The following RGMA variants were observed in gnomAD, a reference collection of about 807,000 sequenced individuals.
RGMA encodes the protein repulsive guidance molecule A.
A neutral mutation model predicts 23.2 loss-of-function variants in RGMA; 10 were observed. The ratio of observed to expected loss-of-function variants is 0.43; its 90% CI spans 0.27 to 0.73. RGMA has a LOEUF of 0.73. Among genes scored for constraint, RGMA ranks in the 30% least tolerant of loss-of-function variants. The pLI, the probability that RGMA is intolerant of heterozygous loss-of-function variation, is 0.20. For synonymous variants in RGMA, 308 were observed against 279.3 expected, an observed-to-expected ratio of 1.10 and a Z score of -1.03; for missense variants, 547 against 630.5, an observed-to-expected ratio of 0.87 and a Z score of 1.42.
In RGMA at chr15:93,074,027, A is replaced by C. The variant is rs978207643; in HGVS notation, c.15-996T>G. ...TCTGTCGCTTATTTTTCTGGGAAAGAAACATCTCCTTCCCAAGGTTCCCTG... is the reference window on the plus strand; with the variant it reads ...TCTGTCGCTTATTTTTCTGGGAAAGCAACATCTCCTTCCCAAGGTTCCCTG... On this transcript the variant is annotated intron_variant, in intron 1 of 3. Transcript: ENST00000329082. 1.2e-5 allele frequency: 17 copies of C among 1,378,298 alleles called. No homozygotes were observed. In the Admixed American group the frequency reaches 3.7e-4, roughly 30 times the overall value. The allele number at this position is 1,378,298 out of a possible 1,614,324, so 85.4% of individuals were successfully genotyped here.
intron 1 of RGMA, 127 bp downstream of exon 1, chr15:93,088,792 G>GGCAAGATGGGA (rs1895685394): frequency 1.1e-6 from 1 of 937,210 alleles, no homozygotes; most frequent in South Asian, 1.5e-5. Flanking sequence ...TCCAAATGTG[G>GGCAAGATGGGA]GCAAGATGGG....
At chr15:93,078,416 T>C (rs1895507142) in intron 1 of RGMA, among the ~76,000 whole-genome samples, 1 of 152,224 alleles carries the variant, frequency 6.6e-6, no homozygotes, top group African/African-American at 2.4e-5. Flanking sequence ...CCAGACCATG[T>C]CTTGAGGAAC....
chr15:93,067,284 G>GA (rs11395171), intron 2 of RGMA, among the ~76,000 whole-genome samples: 17,476 of 150,690 alleles, frequency 0.12, 1,156 homozygotes, highest in Middle Eastern at 0.28. Context: ...CTGGAAAAAA[G>GA]AAAAAAAAAT....
At chr15:93,060,694 A>G (rs535013988) in intron 2 of RGMA, among the ~76,000 whole-genome samples, 1 of 152,264 alleles carries the variant, frequency 6.6e-6, no homozygotes, top group Admixed American at 6.5e-5. Context: ...GACCAAAAAC[A>G]ATGGTCACTT....
At chr15:93,078,622 C>T (rs1192478755) in intron 1 of RGMA, among the ~76,000 whole-genome samples, 1 of 152,222 alleles carries the variant, frequency 6.6e-6, no homozygotes, top group South Asian at 2.1e-4. Flanking sequence ...CTGGCTTCAT[C>T]TTTCCACACT....
At chr15:93,087,477 A>AAAAAAAC (rs1260957108) in intron 1 of RGMA, among the ~76,000 whole-genome samples, 2 of 150,224 alleles carry the variant, frequency 1.3e-5, no homozygotes, top group East Asian at 3.9e-4. Context: ...AAAAAAAAAA[A>AAAAAAAC]AAAAAAACCA....
At chr15:93,088,708 G>A (rs958800953) in intron 1 of RGMA, 60 of 772,574 alleles carry the variant, frequency 7.8e-5, no homozygotes, top group African/African-American at 2.6e-4. Context: ...AGTATTTTAG[G>A]AAAAAAGAAC....
At chr15:93,073,868 C>A in intron 1 of RGMA, 11 of 1,475,038 alleles carry the variant, frequency 7.5e-6, no homozygotes, top group Non-Finnish European at 9.8e-6. Context: ...AACCTTGCCA[C>A]CTTGGCACAG....
chr15:93,073,492 C>T lies in RGMA; in HGVS notation c.15-461G>A. On this transcript the variant is annotated intron_variant, in intron 1 of 3. Coordinates refer to ENST00000329082, the MANE Select transcript of RGMA (RefSeq NM_020211.3). ...GCAGGGCATGAGGCGGGGCAGGACG[C>T]CCCCTTAATCCCCTCCACGAATATC... The T allele has an allele frequency of 1.0e-5, 13 of 1,255,814 alleles. No individual in the cohort carries two copies. In the South Asian group the frequency reaches 2.0e-4, roughly 19 times the overall value. The allele number at this position is 1,255,814 out of a possible 1,614,324, so 77.8% of individuals were successfully genotyped here. A position where few individuals can be genotyped will look rare whatever the true frequency, so the allele number is the denominator to read the frequency against.
At position 93,088,957 on chromosome 15, in the gene RGMA, G is replaced by T. The variant is rs903329325; in HGVS notation, c.-25C>A. Reference sequence around the variant, plus strand: ...TGAGCCCCTGCGGCCCGCGGGGGGTGGCGCTGGCGGGGCTGCGGGAGAAGA... The same window carrying T: ...TGAGCCCCTGCGGCCCGCGGGGGGTTGCGCTGGCGGGGCTGCGGGAGAAGA... On this transcript the variant is annotated 5_prime_UTR_variant, in exon 1 of 4. Coordinates refer to ENST00000329082, the MANE Select transcript of RGMA (RefSeq NM_020211.3). 6 of 1,386,352 alleles carry T rather than the reference G, an allele frequency of 4.3e-6. No individual in the cohort carries two copies. The highest frequency in any genetic ancestry group is 5.6e-6 in the Non-Finnish European group (6 of 1,077,250). The allele number at this position is 1,386,352 out of a possible 1,614,324, so 85.9% of individuals were successfully genotyped here.
Position 93,036,683 on chromosome 15 carries a change from G to A in RGMA, c.*8315C>T, listed in dbSNP as rs994430033. 1 of 152,228 alleles carries A rather than the reference G, an allele frequency of 6.6e-6. No homozygotes were observed. Among genetic ancestry groups the A allele is most frequent in the African/African-American group, 2.4e-5 (1 of 41,440 alleles). The allele number at this position is 152,228 out of a possible 1,614,324, so 9.4% of individuals were successfully genotyped here. A position where few individuals can be genotyped will look rare whatever the true frequency, so the allele number is the denominator to read the frequency against. ...ACTCCGCCCCTGCTGTGGGGCTCAC[G>A]AGCATGCCTTGAACACAGGCTGCCT... On this transcript the variant is annotated 3_prime_UTR_variant, in exon 4 of 4. Transcript: ENST00000329082.
chr15:93,046,373 C>T (rs919809700), intron 3 of RGMA, among the ~76,000 whole-genome samples: 6 of 152,200 alleles, frequency 3.9e-5, no homozygotes, highest in Non-Finnish European at 7.3e-5. Flanking sequence ...CCTGGAGTCT[C>T]CAGGACCAGC....
intron 1 of RGMA, among the ~76,000 whole-genome samples, chr15:93,085,692 C>T (rs1895625079): frequency 6.6e-6 from 1 of 152,164 alleles, no homozygotes; most frequent in Non-Finnish European, 1.5e-5. Flanking sequence ...AAGACATTTG[C>T]ATTTATTTTG....
chr15:93,054,590 T>C (rs2054983201), intron 2 of RGMA, among the ~76,000 whole-genome samples: 1 of 152,224 alleles, frequency 6.6e-6, no homozygotes, highest in Non-Finnish European at 1.5e-5. Context: ...TTGCCTTCTG[T>C]CATGATTGTG....
intron 2 of RGMA, among the ~76,000 whole-genome samples, chr15:93,052,902 T>C (rs1034457106): frequency 1.3e-5 from 2 of 152,348 alleles, no homozygotes; most frequent in Non-Finnish European, 2.9e-5. Flanking sequence ...TGGCAGGGAA[T>C]TGGCCCCACT....
intron 2 of RGMA, chr15:93,065,982 C>A (rs770782460): frequency 9.6e-6 from 11 of 1,146,910 alleles, no homozygotes; most frequent in Middle Eastern, 2.1e-4. Context: ...TGGGCCGCTG[C>A]GCGGAGTCTT....
rs748027363 is a variant in RGMA, at chr15:93,052,050, G to A, written c.588C>T (p.Asn196=). The stretch of plus-strand genomic sequence containing the variant: ...GCACAGGCGTGTTGGTGACCTGCAC[G>A]TTCAGGTAATTATTGTCGATGAGCG... ...AWPLIDNNYL[N]VQVTNTPVLP... The change falls in exon 3 of 4, where the codon AAC becomes AAT. Residue 196 remains asparagine, a synonymous_variant. Transcript: ENST00000329082. The A allele has an allele frequency of 2.0e-5, 32 of 1,611,834 alleles. No homozygotes were observed. Among genetic ancestry groups the A allele is most frequent in the Admixed American group, 1.2e-4 (7 of 59,740 alleles).
At chr15:93,049,938 G>C (rs939032450) in intron 3 of RGMA, among the ~76,000 whole-genome samples, 1 of 152,230 alleles carries the variant, frequency 6.6e-6, no homozygotes, top group Non-Finnish European at 1.5e-5. Context: ...CATCATCTTG[G>C]AGATGAAAGT....
At position 93,038,551 on chromosome 15, in the gene RGMA, T is replaced by G. The variant is rs942981851; in HGVS notation, c.*6447A>C. On this transcript the variant is annotated 3_prime_UTR_variant, in exon 4 of 4. Transcript: ENST00000329082. ...AGCTGCCCCATGGACATTGCCTTAA[T>G]GAACGAAACTGTTAGTTGTTTTTTT... The G allele has an allele frequency of 6.7e-6, 1 of 149,640 alleles. No individual in the cohort carries two copies. Among genetic ancestry groups the G allele is most frequent in the African/African-American group, 2.5e-5 (1 of 40,242 alleles). 9.3% of individuals were successfully genotyped at this position (149,640 alleles called of 1,614,324 possible).
Sources: allele counts gnomAD v4.1 joint callset (sites outside exome capture counted in the v4.1 genomes callset), GRCh38; gene constraint gnomAD v4.1.1; transcripts MANE v1.5; gene names NCBI Gene and HGNC (gene_info 2026-07-23, HGNC 2026-07-21).